KCNH8: variants seen among roughly 807,000 people sequenced by gnomAD.
The protein encoded by KCNH8 is potassium voltage-gated channel subfamily H member 8, also known as voltage-gated delayed rectifier potassium channel KCNH8.
KCNH8 carries 70 observed loss-of-function variants against 103.6 expected under a neutral mutation model. The observed-to-expected ratio is 0.68, with a 90% CI of 0.56 to 0.82. The LOEUF is 0.82. Ranked by LOEUF, KCNH8 falls within the 40% of genes least tolerant of loss-of-function variation. The pLI is 0.00. For missense variants in KCNH8, 1,217 were observed against 1,329.9 expected, an observed-to-expected ratio of 0.92 and a Z score of 1.32; for synonymous variants, 498 against 489.4, an observed-to-expected ratio of 1.02 and a Z score of -0.23.
chr3:19,366,481 G>A (rs547367016), intron 5 of KCNH8, among the ~76,000 whole-genome samples: 9 of 152,158 alleles, frequency 5.9e-5, no homozygotes, highest in African/African-American at 1.9e-4. Flanking sequence ...ATGAAATAGT[G>A]GTGCTTGTTT....
At chr3:19,389,173 C>T (rs1238625874) in intron 5 of KCNH8, among the ~76,000 whole-genome samples, 1 of 152,122 alleles carries the variant, frequency 6.6e-6, no homozygotes, top group Non-Finnish European at 1.5e-5. Flanking sequence ...CTTAAAACAA[C>T]ATCCATTTAC....
chr3:19,191,977 C>G (rs1004492436), intron 1 of KCNH8, among the ~76,000 whole-genome samples: 1 of 150,702 alleles, frequency 6.6e-6, no homozygotes, highest in Non-Finnish European at 1.5e-5. Context: ...TCTGTTTATT[C>G]ATATTTCCTT....
At chr3:19,489,543 A>G (rs1203343152) in intron 11 of KCNH8, among the ~76,000 whole-genome samples, 1 of 152,028 alleles carries the variant, frequency 6.6e-6, no homozygotes, top group African/African-American at 2.4e-5. Context: ...CTGATGGCCA[A>G]CGTACCTGTA....
intron 6 of KCNH8, among the ~76,000 whole-genome samples, 164 bp from the exon 7 acceptor site, chr3:19,394,940 C>A (rs1284313573): frequency 6.6e-6 from 1 of 151,938 alleles, no homozygotes; most frequent in Non-Finnish European, 1.5e-5. Flanking sequence ...CTCTTTAATT[C>A]TATCACTTTC....
At chr3:19,498,674 A>G (rs1221445337) in intron 11 of KCNH8, among the ~76,000 whole-genome samples, 7 of 152,048 alleles carry the variant, frequency 4.6e-5, no homozygotes, top group Non-Finnish European at 8.8e-5. Context: ...TAGAGTTTCC[A>G]GTTTTTCTGC....
intron 3 of KCNH8, among the ~76,000 whole-genome samples, chr3:19,320,503 T>C (rs1208006216): frequency 6.6e-6 from 1 of 151,776 alleles, no homozygotes; most frequent in African/African-American, 2.4e-5. Context: ...CCTATGAATG[T>C]ATCCCTACAT....
chr3:19,436,740 A>G (rs769487147), intron 7 of KCNH8, among the ~76,000 whole-genome samples: 6 of 152,248 alleles, frequency 3.9e-5, no homozygotes, highest in Admixed American at 1.3e-4. Context: ...ACACATGTGT[A>G]AATGAACAGA....
At chr3:19,156,682 T>C (rs2125182706) in intron 1 of KCNH8, among the ~76,000 whole-genome samples, 1 of 152,318 alleles carries the variant, frequency 6.6e-6, no homozygotes, top group Non-Finnish European at 1.5e-5. Context: ...TTGCTGACTG[T>C]AGTACTCTCT....
chr3:19,497,654 T>A (rs568663583), intron 11 of KCNH8, among the ~76,000 whole-genome samples: 1 of 152,324 alleles, frequency 6.6e-6, no homozygotes, highest in South Asian at 2.1e-4. Flanking sequence ...TTATTTTATG[T>A]CTGATTTTGT....
At chr3:19,324,823 A>G (rs976803359) in intron 3 of KCNH8, among the ~76,000 whole-genome samples, 5 of 139,442 alleles carry the variant, frequency 3.6e-5, no homozygotes, top group Admixed American at 7.6e-5. Context: ...TCACAGAACT[A>G]GAAAAAAAAA....
At chr3:19,373,860 T>A (rs1423454209) in intron 5 of KCNH8, among the ~76,000 whole-genome samples, 1 of 152,226 alleles carries the variant, frequency 6.6e-6, no homozygotes, top group Non-Finnish European at 1.5e-5. Context: ...CTTCATTTCG[T>A]TATGTACCCA....
chr3:19,467,979 T>C (rs1467817951), intron 11 of KCNH8, among the ~76,000 whole-genome samples: 1 of 151,920 alleles, frequency 6.6e-6, no homozygotes, highest in Non-Finnish European at 1.5e-5. Flanking sequence ...CCACCTCTGC[T>C]GCCTCAGGGC....
At chr3:19,428,320 G>T (rs941207370) in intron 7 of KCNH8, among the ~76,000 whole-genome samples, 6 of 152,166 alleles carry the variant, frequency 3.9e-5, no homozygotes, top group Admixed American at 3.3e-4. Flanking sequence ...CTGAGTCTGT[G>T]TCTTAACCAT....
intron 7 of KCNH8, among the ~76,000 whole-genome samples, chr3:19,418,669 A>C (rs1372611644): frequency 6.6e-6 from 1 of 152,228 alleles, no homozygotes; most frequent in Non-Finnish European, 1.5e-5. Context: ...GAGGTGTCTG[A>C]GTATGACCCC....
At chr3:19,357,039 G>A (rs976052787) in intron 5 of KCNH8, among the ~76,000 whole-genome samples, 3 of 151,850 alleles carry the variant, frequency 2.0e-5, no homozygotes, top group Non-Finnish European at 4.4e-5. Context: ...GCAGCAGTAT[G>A]CCCAGATTCA....
intron 3 of KCNH8, among the ~76,000 whole-genome samples, chr3:19,288,554 A>G (rs1181701873): frequency 6.6e-6 from 1 of 152,160 alleles, no homozygotes; most frequent in Non-Finnish European, 1.5e-5. Context: ...TACAAAGGAC[A>G]TGAACTCATC....
intron 7 of KCNH8, among the ~76,000 whole-genome samples, chr3:19,419,358 C>T (rs981942968): frequency 4.0e-5 from 6 of 151,448 alleles, no homozygotes; most frequent in African/African-American, 1.2e-4. Flanking sequence ...CGCCACCACG[C>T]CCGGCTAATT....
chr3:19,307,167 T>C (rs1459989661), intron 3 of KCNH8, among the ~76,000 whole-genome samples: 1 of 151,606 alleles, frequency 6.6e-6, no homozygotes, highest in African/African-American at 2.4e-5. Flanking sequence ...GATTAATGTA[T>C]AGAATATGCT....
intron 3 of KCNH8, among the ~76,000 whole-genome samples, chr3:19,301,396 AATAT>A (rs996566900): frequency 4.0e-5 from 6 of 149,326 alleles, no homozygotes; most frequent in South Asian, 2.1e-4. Flanking sequence ...CATGAATATA[AATAT>A]ATATAATTTT....
Sources: gnomAD v4.1 joint callset for allele counts (sites outside exome capture counted in the v4.1 genomes callset) on GRCh38, gnomAD v4.1.1 for gene constraint, MANE v1.5 for transcripts, NCBI Gene and HGNC (gene_info 2026-07-23, HGNC 2026-07-21) for gene names.